Variants in TIMM44 observed in about 807,000 individuals in gnomAD.
TIMM44 encodes mitochondrial import inner membrane translocase subunit TIM44.
Under a neutral mutation model 63.8 loss-of-function variants are expected in TIMM44, and 37 were observed. The observed-to-expected ratio is 0.58, with a 90% CI of 0.45 to 0.76. The LOEUF (loss-of-function observed/expected upper bound fraction) is 0.76, where lower values mean the gene tolerates loss of function less well. Among genes scored for constraint, TIMM44 ranks in the 30% least tolerant of loss-of-function variants. TIMM44 has a pLI of 0.00. For missense variants in TIMM44, 573 were observed against 603.8 expected, an observed-to-expected ratio of 0.95 and a Z score of 0.54; for synonymous variants, 239 against 245.1, an observed-to-expected ratio of 0.98 and a Z score of 0.23.
At chr19:7,931,043 G>T in intron 10 of TIMM44, 95 bp downstream of exon 10, 1 of 1,193,958 alleles carries the variant, frequency 8.4e-7, no homozygotes, top group East Asian at 2.5e-5. Flanking sequence ...CCTGCCTGTT[G>T]GGAGCTACCC....
In TIMM44 at chr19:7,933,491, ACAC is replaced by A. The variant is rs1243829632; in HGVS notation, c.760_762del (p.Val254del). 1.9e-6 allele frequency: 3 copies of A among 1,614,076 alleles called. No individual in the cohort carries two copies. The South Asian group carries it at 3.3e-5, about 18-fold the overall frequency. ...CCAAGACACCTTCACTCACGGTTAA[ACAC>A]CACGTTGTTCTCCTTGAAGTCCTTC... On this transcript the variant is annotated inframe_deletion, in exon 7 of 13. Transcript: ENST00000270538. The surrounding 1 kb of genome is among the most constrained non-coding windows in gnomAD (Gnocchi z 4.3).
intron 2 of TIMM44, 140 bp from the exon 3 acceptor site, chr19:7,938,337 T>C: frequency 3.0e-6 from 2 of 663,154 alleles, no homozygotes; most frequent in Non-Finnish European, 5.0e-6. Context: ...CTATCTCTTT[T>C]ATAATAATCA....
At chr19:7,932,815 C>G (rs746380244) in intron 8 of TIMM44, 25 bp downstream of exon 8, 1 of 1,614,116 alleles carries the variant, frequency 6.2e-7, no homozygotes, top group Non-Finnish European at 8.5e-7. Flanking sequence ...CACCAGCCTG[C>G]GAGGTCCAGG....
chr19:7,927,978 C>T lies in TIMM44; in HGVS notation c.1128+99G>A. 3.1e-6 allele frequency: 4 copies of T among 1,271,536 alleles called. No homozygotes were observed. The Admixed American group carries it at 5.9e-5, about 19-fold the overall frequency. 78.8% of individuals were successfully genotyped at this position (1,271,536 alleles called of 1,614,324 possible). The stretch of plus-strand genomic sequence containing the variant: ...AAGCCCAAGACCTCTTGGATCAGCC[C>T]ATGGCCCCCAGCCCCTGGCAAGGCC... On this transcript the variant is annotated intron_variant, in intron 11 of 12. Coordinates refer to ENST00000270538, the MANE Select transcript of TIMM44 (RefSeq NM_006351.4).
In TIMM44 at chr19:7,926,853, C is replaced by A; in HGVS notation, c.*334G>T. ...GCTAGCGGGCCACTGAGCCGCGGGT[C>A]CCGGGTCCCACCCTGCTGTGGGGGG... On this transcript the variant is annotated 3_prime_UTR_variant, in exon 13 of 13. Transcript: ENST00000270538. The A allele has an allele frequency of 2.7e-6, 1 of 372,490 alleles. No homozygotes were observed. Among genetic ancestry groups the A allele is most frequent in the South Asian group, 2.6e-5 (1 of 38,166 alleles). 23.1% of individuals were successfully genotyped at this position (372,490 alleles called of 1,614,324 possible).
rs1372452555 is a variant in TIMM44, at chr19:7,934,766, G to A, written c.393+299C>T. Among the ~76,000 whole-genome samples the A allele has an allele frequency of 1.3e-5, 2 of 152,176 alleles. No individual in the cohort carries two copies. The highest frequency in any genetic ancestry group is 4.8e-5 in the African/African-American group (2 of 41,438). On this transcript the variant is annotated intron_variant, in intron 4 of 12. Transcript: ENST00000270538. This position sits in a 1 kb window ranked among gnomAD's most constrained non-coding sequence, Gnocchi z 5.3. ...CCGCCTCTACCCTCGGGAGGGGGTG[G>A]AAGCGGCCCCTCTCCTCCTATTTTT...
rs1984022629 is a variant in TIMM44, at chr19:7,932,761, G to A, written c.863-10C>T. 2 of 1,614,082 alleles carry A rather than the reference G, an allele frequency of 1.2e-6. No homozygotes were observed. Among genetic ancestry groups the A allele is most frequent in the Non-Finnish European group, 1.7e-6 (2 of 1,179,994 alleles). ...TTGGAGAACAGGCCCCCTGCAGGGA[G>A]CAGAGCCGGGAGTTCGGGGGGAAGG... is the stretch of plus-strand genomic sequence containing the variant. On this transcript the variant is annotated splice_polypyrimidine_tract_variant and intron_variant, in intron 8 of 12. Transcript: ENST00000270538.
At position 7,933,126 on chromosome 19, in the gene TIMM44, G is replaced by C. The variant is rs897046250; in HGVS notation, c.770-194C>G. On this transcript the variant is annotated intron_variant, in intron 7 of 12. Transcript: ENST00000270538. The surrounding 1 kb of genome is among the most constrained non-coding windows in gnomAD (Gnocchi z 4.3). The stretch of plus-strand genomic sequence containing the variant: ...TGCCTGCCCACCTACCTGGCCAGGC[G>C]CAGAGGCCCCTCAGCTGCGGCCCTA... 2.0e-5 allele frequency among the ~76,000 whole-genome samples: 3 copies of C among 152,166 alleles called. No individual in the cohort carries two copies. The highest frequency in any genetic ancestry group is 7.2e-5 in the African/African-American group (3 of 41,440).
chr19:7,939,270 T>C (rs1029507978), intron 2 of TIMM44, among the ~76,000 whole-genome samples: 5 of 152,124 alleles, frequency 3.3e-5, no homozygotes, highest in Non-Finnish European at 5.9e-5. Context: ...GGACATTCTG[T>C]TGGATTTTTC....
rs1281421862 is a variant in TIMM44, at chr19:7,934,673, C to A, written c.393+392G>T. Among the ~76,000 whole-genome samples the A allele has an allele frequency of 6.6e-6, 1 of 152,178 alleles. No individual in the cohort carries two copies. Among genetic ancestry groups the A allele is most frequent in the East Asian group, 1.9e-4 (1 of 5,190 alleles). On this transcript the variant is annotated intron_variant, in intron 4 of 12. Transcript: ENST00000270538. This position sits in a 1 kb window ranked among gnomAD's most constrained non-coding sequence, Gnocchi z 5.3. ...GGGAAAGAACGGCGGTGAGGGCGCC[C>A]CATGCTGCGCAAAGCTGGACAGAAC... is the stretch of plus-strand genomic sequence containing the variant.
chr19:7,941,375 C>A (rs1479072864), intron 1 of TIMM44, among the ~76,000 whole-genome samples, 178 bp from the exon 2 acceptor site: 5 of 151,426 alleles, frequency 3.3e-5, no homozygotes, highest in African/African-American at 7.3e-5. Flanking sequence ...GCAACCTATG[C>A]CTCCTGGGTT....
Position 7,927,208 on chromosome 19 carries a change from G to A in TIMM44, c.1338C>T (p.Ser446=), listed in dbSNP as rs1341599449. ...ACACTCAGAGAATCTGCTCGGTGCTGGAGGCCGAGATGTCCAGGAGCCGCC... is the reference window on the plus strand; with the variant it reads ...ACACTCAGAGAATCTGCTCGGTGCTAGAGGCCGAGATGTCCAGGAGCCGCC... The part of the protein sequence containing the change: ...AAWRLLDISA[S]STEQIL Residue 446 remains serine (S), a synonymous_variant, in exon 13 of 13, where the codon TCC becomes TCT. Transcript: ENST00000270538. 1 of 1,610,824 alleles carries A rather than the reference G, an allele frequency of 6.2e-7. No homozygotes were observed. The highest frequency in any genetic ancestry group is 8.5e-7 in the Non-Finnish European group (1 of 1,179,792).
rs537951263 is a variant in TIMM44, at chr19:7,929,304, T to C, written c.1039-1138A>G. 1.5e-3 allele frequency among the ~76,000 whole-genome samples: 226 copies of C among 152,262 alleles called. 1 individual carries two copies. Among genetic ancestry groups the C allele is most frequent in the African/African-American group, 5.3e-3 (222 of 41,532 alleles). Reference sequence around the variant, plus strand: ...GCCCCCGAACCCCAAGCTTTGACTCTGAGAAGCAGCTGAGGCCTCATCAGG... The same window carrying C: ...GCCCCCGAACCCCAAGCTTTGACTCCGAGAAGCAGCTGAGGCCTCATCAGG... On this transcript the variant is annotated intron_variant, in intron 10 of 12. Transcript: ENST00000270538.
chr19:7,933,841 G>A lies in TIMM44; in HGVS notation c.683+23C>T, dbSNP rs200697180. 4.0e-4 allele frequency: 642 copies of A among 1,613,754 alleles called. No homozygotes were observed. The highest frequency in any genetic ancestry group is 4.6e-4 in the Non-Finnish European group (545 of 1,179,998). ...GAAAGCTGCCCAAAATGGGGGCAGC[G>A]AGGGCCACGGGCTGGTACCTACTCG... On this transcript the variant is annotated intron_variant, in intron 6 of 12. Transcript: ENST00000270538. This position sits in a 1 kb window ranked among gnomAD's most constrained non-coding sequence, Gnocchi z 4.3.
chr19:7,930,174 T>C (rs898114903), intron 10 of TIMM44, among the ~76,000 whole-genome samples: 1 of 151,848 alleles, frequency 6.6e-6, no homozygotes, highest in Non-Finnish European at 1.5e-5. Context: ...AGTGTCTTGA[T>C]CTGTCACCCA....
chr19:7,928,024 G>A, intron 11 of TIMM44, 53 bp downstream of exon 11: 1 of 1,541,184 alleles, frequency 6.5e-7, no homozygotes, highest in Non-Finnish European at 8.9e-7. Flanking sequence ...CCTTGTCTGG[G>A]CCATAGTTCC....
intron 11 of TIMM44, 118 bp from the exon 12 acceptor site, chr19:7,927,885 C>G: frequency 5.1e-6 from 6 of 1,182,064 alleles, no homozygotes; most frequent in South Asian, 1.3e-5. Context: ...GGCCCAGCAC[C>G]GGTCCCTCCC....
intron 3 of TIMM44, among the ~76,000 whole-genome samples, chr19:7,935,460 T>C (rs1266242025): frequency 6.6e-6 from 1 of 152,192 alleles, no homozygotes; most frequent in African/African-American, 2.4e-5. Context: ...CCACTGTGCC[T>C]GGCCAACCGT....
intron 9 of TIMM44, among the ~76,000 whole-genome samples, chr19:7,931,991 A>T (rs956531169): frequency 3.9e-5 from 6 of 152,198 alleles, no homozygotes; most frequent in African/African-American, 1.4e-4. Context: ...GGGGCCAAGG[A>T]TGGAGAGTCC....
Sources: gnomAD v4.1 joint callset for allele counts (sites outside exome capture counted in the v4.1 genomes callset) on GRCh38, gnomAD v4.1.1 for gene constraint, Gnocchi (gnomAD v3.1) non-coding constraint, MANE v1.5 for transcripts, NCBI Gene and HGNC (gene_info 2026-07-23, HGNC 2026-07-21) for gene names.